Variants in ANO10 observed in about 807,000 individuals in gnomAD.
ANO10 encodes the protein anoctamin-10.
In ANO10, 77 loss-of-function variants were observed where a neutral mutation model predicts 74.7. That is an observed-to-expected ratio of 1.03 (90% confidence interval 0.86 to 1.25). The LOEUF (loss-of-function observed/expected upper bound fraction) is 1.25, where lower values mean the gene tolerates loss of function less well. ANO10 is among the 50% of genes most tolerant of loss of function. The pLI is 0.00. For synonymous variants in ANO10, 279 were observed against 284.9 expected, an observed-to-expected ratio of 0.98 and a Z score of 0.21; for missense variants, 721 against 778.1, an observed-to-expected ratio of 0.93 and a Z score of 0.87.
intron 12 of ANO10, among the ~76,000 whole-genome samples, chr3:43,400,192 G>C (rs2092454221): frequency 6.6e-6 from 1 of 151,720 alleles, no homozygotes. Context: ...GTTTCCTTTT[G>C]TTTAAATATG....
chr3:43,567,352 G>A (rs1028004146), intron 7 of ANO10, among the ~76,000 whole-genome samples: 43 of 151,912 alleles, frequency 2.8e-4, no homozygotes, highest in Admixed American at 7.9e-4. Context: ...GATACTCCTC[G>A]AGAAGAGCAA....
At chr3:43,621,880 G>C (rs1459834691) in intron 1 of ANO10, 29 bp downstream of exon 1, 1 of 152,398 alleles carries the variant, frequency 6.6e-6, no homozygotes, top group Non-Finnish European at 1.5e-5. Context: ...CGGACAGCTG[G>C]GGGGTCCGAG....
intron 11 of ANO10, among the ~76,000 whole-genome samples, chr3:43,507,764 C>T (rs763686685): frequency 2.6e-5 from 4 of 151,942 alleles, no homozygotes; most frequent in Non-Finnish European, 5.9e-5. Context: ...TTCTAGGGGG[C>T]CGTTCTGTCA....
At chr3:43,618,802 G>A (rs1045014034) in intron 1 of ANO10, among the ~76,000 whole-genome samples, 9 of 151,948 alleles carry the variant, frequency 5.9e-5, no homozygotes, top group East Asian at 3.9e-4. Context: ...TTAGTTATAC[G>A]TCTTTTTTTT....
chr3:43,388,681 C>T (rs187664418), intron 12 of ANO10, among the ~76,000 whole-genome samples: 53 of 152,172 alleles, frequency 3.5e-4, no homozygotes, highest in Middle Eastern at 3.4e-3. Context: ...TTAGGTAAGA[C>T]CAATATTACC....
intron 10 of ANO10, among the ~76,000 whole-genome samples, chr3:43,552,770 A>G (rs200948962): frequency 6.8e-6 from 1 of 147,222 alleles, no homozygotes; most frequent in African/African-American, 2.5e-5. Context: ...ATGTATGTAT[A>G]TGTGTGTATT....
intron 11 of ANO10, among the ~76,000 whole-genome samples, chr3:43,486,124 G>A (rs1372633395): frequency 1.3e-5 from 2 of 152,176 alleles, no homozygotes; most frequent in Admixed American, 1.3e-4. Flanking sequence ...GCCTTTCACA[G>A]ATCTGGGAGA....
chr3:43,559,527 T>C (rs1337158600), intron 9 of ANO10, among the ~76,000 whole-genome samples: 1 of 152,066 alleles, frequency 6.6e-6, no homozygotes, highest in Non-Finnish European at 1.5e-5. Context: ...TGTGAAGAGT[T>C]TGCTTAGTTC....
chr3:43,654,064 A>G (rs1217973008), intron 1 of ANO10, among the ~76,000 whole-genome samples: 1 of 152,066 alleles, frequency 6.6e-6, no homozygotes, highest in African/African-American at 2.4e-5. Context: ...GAGAAGACAG[A>G]ATTACAGGAA....
intron 4 of ANO10, among the ~76,000 whole-genome samples, chr3:43,591,469 G>A (rs544946600): frequency 1.1e-4 from 16 of 152,240 alleles, no homozygotes; most frequent in African/African-American, 3.1e-4. Context: ...CTTGGAATCC[G>A]TGAGGCTCCC....
At chr3:43,432,192 T>G (rs756374698) in intron 12 of ANO10, among the ~76,000 whole-genome samples, 4 of 151,794 alleles carry the variant, frequency 2.6e-5, no homozygotes, top group Non-Finnish European at 5.9e-5. Flanking sequence ...TCAGGGCAAT[T>G]TTGCTGCTTC....
intron 4 of ANO10, among the ~76,000 whole-genome samples, chr3:43,595,369 A>C (rs1048818834): frequency 5.3e-5 from 8 of 152,232 alleles, no homozygotes; most frequent in African/African-American, 1.9e-4. Context: ...CCTCAACAAA[A>C]TAATGGCAAA....
At chr3:43,505,268 C>T (rs1324935334) in intron 11 of ANO10, among the ~76,000 whole-genome samples, 1 of 152,168 alleles carries the variant, frequency 6.6e-6, no homozygotes, top group Non-Finnish European at 1.5e-5. Context: ...AAATGTTGGG[C>T]ATCAGATCCC....
At chr3:43,635,703 T>C (rs1210116062) in intron 1 of ANO10, among the ~76,000 whole-genome samples, 2 of 150,556 alleles carry the variant, frequency 1.3e-5, no homozygotes, top group Admixed American at 6.7e-5. Context: ...CACTGCAACC[T>C]CCGCCTTCTG....
At chr3:43,427,903 T>A (rs1575763037) in intron 12 of ANO10, among the ~76,000 whole-genome samples, 1 of 152,082 alleles carries the variant, frequency 6.6e-6, no homozygotes, top group Non-Finnish European at 1.5e-5. Context: ...TAAACAGGAA[T>A]TGTGATGAAA....
intron 5 of ANO10, among the ~76,000 whole-genome samples, chr3:43,577,736 A>C (rs1216543542): frequency 1.3e-5 from 2 of 152,188 alleles, no homozygotes; most frequent in Non-Finnish European, 2.9e-5. Context: ...CAGAGACATA[A>C]ACTTTCATCA....
intron 11 of ANO10, among the ~76,000 whole-genome samples, chr3:43,491,603 G>T (rs2076727957): frequency 6.6e-6 from 1 of 152,032 alleles, no homozygotes; most frequent in South Asian, 2.1e-4. Context: ...TCCACCAAGT[G>T]TACTGTACTT....
At chr3:43,638,090 T>G (rs2083632669) in intron 1 of ANO10, among the ~76,000 whole-genome samples, 1 of 152,232 alleles carries the variant, frequency 6.6e-6, no homozygotes, top group African/African-American at 2.4e-5. Context: ...GAGATCATCT[T>G]GTGAAAACCT....
intron 11 of ANO10, among the ~76,000 whole-genome samples, chr3:43,491,293 G>A (rs954434048): frequency 2.0e-5 from 3 of 152,030 alleles, no homozygotes; most frequent in Admixed American, 6.6e-5. Flanking sequence ...GCAGGCAGAT[G>A]ACTTGAGGTC....
Sources: allele counts gnomAD v4.1 joint callset (sites outside exome capture counted in the v4.1 genomes callset), GRCh38; gene constraint gnomAD v4.1.1; transcripts MANE v1.5; gene names NCBI Gene and HGNC (gene_info 2026-07-23, HGNC 2026-07-21).